Variants in CDH13 observed in about 807,000 individuals in gnomAD.
The protein encoded by CDH13 is cadherin 13.
In CDH13, 24 loss-of-function variants were observed where a neutral mutation model predicts 63.8. That is an observed-to-expected ratio of 0.38 (90% CI 0.27 to 0.53). The LOEUF (loss-of-function observed/expected upper bound fraction) is 0.53, where lower values mean the gene tolerates loss of function less well. CDH13 is among the 20% of genes least tolerant of loss of function. CDH13 has a pLI of 0.85. For synonymous variants in CDH13, 503 were observed against 355.3 expected (o/e 1.42, Z -4.67); for missense variants, 1,049 against 903.1 (o/e 1.16, Z -2.07).
intron 6 of CDH13, among the ~76,000 whole-genome samples, chr16:83,427,260 A>T (rs556022382): frequency 1.2e-4 from 18 of 152,012 alleles, no homozygotes; most frequent in African/African-American, 3.9e-4. Flanking sequence ...GATGTGATTA[A>T]GTTAAGGATC....
At chr16:83,104,154 G>A (rs996730879) in intron 3 of CDH13, among the ~76,000 whole-genome samples, 1 of 152,134 alleles carries the variant, frequency 6.6e-6, no homozygotes, top group African/African-American at 2.4e-5. Flanking sequence ...AGCTGTTGTT[G>A]TTTTACCATC....
At chr16:82,976,037 G>C (rs1416184437) in intron 2 of CDH13, among the ~76,000 whole-genome samples, 2 of 152,218 alleles carry the variant, frequency 1.3e-5, no homozygotes, top group Non-Finnish European at 2.9e-5. Flanking sequence ...GTGAAGAGAT[G>C]AAAGCCCCTG....
chr16:83,649,680 G>A (rs1033015783), intron 8 of CDH13, among the ~76,000 whole-genome samples: 3 of 152,178 alleles, frequency 2.0e-5, no homozygotes, highest in African/African-American at 7.2e-5. Context: ...CAAGAAAGAG[G>A]CAAAGGGAGG....
chr16:83,571,097 C>G (rs558173309), intron 7 of CDH13, among the ~76,000 whole-genome samples: 2 of 151,722 alleles, frequency 1.3e-5, no homozygotes, highest in Admixed American at 6.6e-5. Flanking sequence ...ACCCCGTTGA[C>G]ATGCACATAT....
At chr16:83,129,326 G>A (rs2035947152) in intron 4 of CDH13, among the ~76,000 whole-genome samples, 1 of 152,202 alleles carries the variant, frequency 6.6e-6, no homozygotes, top group Non-Finnish European at 1.5e-5. Context: ...AGATTCTGCA[G>A]CTCTAAAAGT....
chr16:82,758,811 A>C (rs189793152), intron 1 of CDH13, among the ~76,000 whole-genome samples: 5 of 152,310 alleles, frequency 3.3e-5, no homozygotes, highest in Non-Finnish European at 5.9e-5. Context: ...AAATTTAAGC[A>C]TGGCAGCCTG....
At chr16:83,629,841 C>T (rs1364567850) in intron 8 of CDH13, among the ~76,000 whole-genome samples, 5 of 152,234 alleles carry the variant, frequency 3.3e-5, no homozygotes, top group Admixed American at 2.0e-4. Context: ...CAAGCTCAGT[C>T]ACATGAGCTT....
chr16:83,320,003 C>T (rs751370384), intron 5 of CDH13, among the ~76,000 whole-genome samples: 8 of 152,202 alleles, frequency 5.3e-5, no homozygotes, highest in Non-Finnish European at 1.2e-4. Flanking sequence ...GCACGTGACA[C>T]AGGTGGTCAC....
intron 7 of CDH13, among the ~76,000 whole-genome samples, chr16:83,600,513 G>A (rs1419215911): frequency 1.3e-5 from 2 of 152,184 alleles, no homozygotes; most frequent in African/African-American, 2.4e-5. Context: ...GAGAGCTAGC[G>A]TTGAGCTATT....
At chr16:83,692,850 G>A (rs1411697657) in intron 10 of CDH13, among the ~76,000 whole-genome samples, 2 of 152,164 alleles carry the variant, frequency 1.3e-5, no homozygotes, top group Non-Finnish European at 2.9e-5. Context: ...TTGGGAGGCC[G>A]AGGCAGGTGG....
chr16:83,244,702 A>T (rs1468865527), intron 5 of CDH13, among the ~76,000 whole-genome samples: 2 of 152,214 alleles, frequency 1.3e-5, no homozygotes, highest in African/African-American at 2.4e-5. Context: ...CAAAATCAGC[A>T]TTAAAGGCAC....
intron 1 of CDH13, among the ~76,000 whole-genome samples, chr16:82,658,205 C>T (rs191389202): frequency 3.3e-5 from 5 of 152,324 alleles, no homozygotes; most frequent in East Asian, 1.9e-4. Flanking sequence ...TCCTGGTCAT[C>T]ATCCCAGGCT....
chr16:82,988,955 T>G (rs752145811), intron 2 of CDH13, among the ~76,000 whole-genome samples: 4 of 152,138 alleles, frequency 2.6e-5, no homozygotes, highest in Non-Finnish European at 4.4e-5. Flanking sequence ...TCATTTCTTT[T>G]TATATCTCCA....
At chr16:83,661,443 A>G (rs1913434650) in intron 8 of CDH13, among the ~76,000 whole-genome samples, 1 of 150,618 alleles carries the variant, frequency 6.6e-6, no homozygotes, top group African/African-American at 2.5e-5. Context: ...CAGTCACACC[A>G]CTGCACTCCA....
intron 2 of CDH13, among the ~76,000 whole-genome samples, chr16:82,993,671 G>A (rs565103606): frequency 8.5e-5 from 13 of 152,268 alleles, no homozygotes; most frequent in South Asian, 2.1e-4. Context: ...GCTGCTTCTC[G>A]GATGGGACTT....
chr16:82,785,365 T>C (rs149709375), intron 1 of CDH13, among the ~76,000 whole-genome samples: 1 of 152,312 alleles, frequency 6.6e-6, no homozygotes, highest in Non-Finnish European at 1.5e-5. Context: ...CCTTCTTGAC[T>C]TCAGGCCTAT....
At chr16:82,648,906 A>C (rs969606464) in intron 1 of CDH13, among the ~76,000 whole-genome samples, 1 of 152,248 alleles carries the variant, frequency 6.6e-6, no homozygotes, top group Non-Finnish European at 1.5e-5. Context: ...ACCCAAGGTG[A>C]GAAGTCCAGC....
intron 11 of CDH13, among the ~76,000 whole-genome samples, chr16:83,771,054 A>G (rs542764152): frequency 9.2e-5 from 14 of 152,322 alleles, no homozygotes; most frequent in Non-Finnish European, 1.9e-4. Context: ...TTTCTAGAAA[A>G]TGAGAAAAAA....
intron 4 of CDH13, among the ~76,000 whole-genome samples, chr16:83,196,059 C>T (rs188616913): frequency 6.6e-6 from 1 of 152,244 alleles, no homozygotes; most frequent in Admixed American, 6.5e-5. Flanking sequence ...AGTTCGCAAT[C>T]AGCCTGGCCA....
Sources: allele counts gnomAD v4.1 joint callset (sites outside exome capture counted in the v4.1 genomes callset), GRCh38; gene constraint gnomAD v4.1.1; transcripts MANE v1.5; gene names NCBI Gene and HGNC (gene_info 2026-07-23, HGNC 2026-07-21).